SLC38A10: variants seen among roughly 807,000 people sequenced by gnomAD.
SLC38A10 encodes Sodium-coupled neutral amino acid transporter 10.
A neutral mutation model predicts 81.0 loss-of-function variants in SLC38A10; 53 were observed. The observed-to-expected ratio is 0.65, with a 90% CI of 0.53 to 0.82. The LOEUF is 0.82. Ranked by LOEUF, SLC38A10 falls within the 40% of genes least tolerant of loss-of-function variation. The pLI, the probability that SLC38A10 is intolerant of heterozygous loss-of-function variation, is 0.00. For missense variants in SLC38A10, 1,471 were observed against 1,545.0 expected (o/e 0.95, Z 0.80); for synonymous variants, 665 against 655.3 (o/e 1.01, Z -0.23).
chr17:81,284,931 G>A, intron 2 of SLC38A10, 36 bp from the exon 3 acceptor site: 2 of 1,528,722 alleles, frequency 1.3e-6, no homozygotes, highest in Non-Finnish European at 1.8e-6. Flanking sequence ...CAATCCAACA[G>A]CGTGAGAAGC....
chr17:81,270,529 C>T lies in SLC38A10; in HGVS notation c.1131+389G>A, dbSNP rs1240402626. 3.3e-5 allele frequency among the ~76,000 whole-genome samples: 5 copies of T among 152,134 alleles called. No individual in the cohort carries two copies. The highest frequency in any genetic ancestry group is 7.3e-5 in the Non-Finnish European group (5 of 68,032). ...GAAAAACCCACAAGCACGCACATCT[C>T]CGTGGGAGGGTCGCACCAGGAACAA... On this transcript the variant is annotated intron_variant, in intron 10 of 15. Coordinates refer to ENST00000374759, the MANE Select transcript of SLC38A10 (RefSeq NM_001037984.3). The surrounding 1 kb of genome is among the most constrained non-coding windows in gnomAD (Gnocchi z 4.0).
In SLC38A10 at chr17:81,252,214, G is replaced by C. The variant is rs137924826; in HGVS notation, c.1926C>G (p.Pro642=). ...PGNAAGDTGQ[P]AEDSDHGGKP... ...ACCCACCGTGGTCGCTGTCCTCTGC[G>C]GGCTGCCCTGTGTCCCCGGCGGCGT... The change falls in exon 13 of 16, where the codon CCC becomes CCG. Residue 642 remains proline, a synonymous_variant. Coordinates refer to ENST00000374759, the MANE Select transcript of SLC38A10 (RefSeq NM_001037984.3). 8 of 1,524,094 alleles carry C rather than the reference G, an allele frequency of 5.2e-6. No homozygotes were observed. Among genetic ancestry groups the C allele is most frequent in the Non-Finnish European group, 7.0e-6 (8 of 1,140,006 alleles). The allele number at this position is 1,524,094 out of a possible 1,614,324, so 94.4% of individuals were successfully genotyped here. A position where few individuals can be genotyped will look rare whatever the true frequency, so the allele number is the denominator to read the frequency against.
intron 11 of SLC38A10, among the ~76,000 whole-genome samples, chr17:81,259,266 C>G (rs1484569223): frequency 6.6e-6 from 1 of 152,226 alleles, no homozygotes; most frequent in East Asian, 1.9e-4. Context: ...GACCCCCAGC[C>G]AGAGCCGGCA....
chr17:81,248,109 C>T (rs1348420265), intron 14 of SLC38A10, among the ~76,000 whole-genome samples: 1 of 151,964 alleles, frequency 6.6e-6, no homozygotes, highest in East Asian at 2.0e-4. Context: ...AGACGCCCGC[C>T]ACCGCGCCCG....
chr17:81,266,671 T>C (rs375868306), intron 10 of SLC38A10, among the ~76,000 whole-genome samples: 7 of 146,474 alleles, frequency 4.8e-5, no homozygotes, highest in African/African-American at 1.8e-4. Flanking sequence ...GGAAAAGAGA[T>C]CCCAGGATAG....
At chr17:81,272,941 G>A (rs1301453670) in intron 8 of SLC38A10, among the ~76,000 whole-genome samples, 1 of 152,168 alleles carries the variant, frequency 6.6e-6, no homozygotes, top group African/African-American at 2.4e-5. Context: ...GCAATACCAC[G>A]AGAGTTTTTT....
chr17:81,277,219 C>A lies in SLC38A10; in HGVS notation c.627-86G>T. The A allele has an allele frequency of 8.6e-7, 1 of 1,162,740 alleles. No homozygotes were observed. The highest frequency in any genetic ancestry group is 2.4e-5 in the East Asian group (1 of 41,296). The allele number at this position is 1,162,740 out of a possible 1,614,324, so 72.0% of individuals were successfully genotyped here. ...CCACTTCTAGGACCTCTCTGCAGCC[C>A]AGTGAGAGTCTCTGACCTTCCTTCA... On this transcript the variant is annotated intron_variant, in intron 6 of 15. Transcript: ENST00000374759. This position sits in a 1 kb window ranked among gnomAD's most constrained non-coding sequence, Gnocchi z 4.5.
chr17:81,283,781 T>C lies in SLC38A10; in HGVS notation c.264-279A>G, dbSNP rs906302332. Among the ~76,000 whole-genome samples, 4 of 151,570 alleles carry C rather than the reference T, an allele frequency of 2.6e-5. No homozygotes were observed. The highest frequency in any genetic ancestry group is 2.0e-4 in the East Asian group (1 of 5,072). ...CGAGTAGCCACGCCCGGCTAATTGT[T>C]TGTATTTTTAGTAGAGACGGGGTTG... On this transcript the variant is annotated intron_variant, in intron 3 of 15. Coordinates refer to ENST00000374759, the MANE Select transcript of SLC38A10 (RefSeq NM_001037984.3). The surrounding 1 kb of genome is among the most constrained non-coding windows in gnomAD (Gnocchi z 4.7).
rs1379604657 is a variant in SLC38A10, at chr17:81,251,573, C to A, written c.1985G>T (p.Gly662Val). ...PPLPAEKPAP[G>V]PGLPPEPREQ... The stretch of plus-strand genomic sequence containing the variant: ...GCGAGGCTCGGGCGGCAGCCCAGGC[C>A]CTGGAGCCGGCTTCTCCGCTGGGAG... The change falls in exon 14 of 16, where the codon GGG (glycine) becomes GTG (valine). Residue 662 changes from glycine to valine, a missense_variant. Around this residue, in one of 2 missense-constraint regions of SLC38A10, gnomAD observed 751 missense variants for 717.4 expected, o/e 1.05. Transcript: ENST00000374759. The A allele has an allele frequency of 6.7e-7, 1 of 1,497,680 alleles. No homozygotes were observed. The highest frequency in any genetic ancestry group is 2.3e-5 in the East Asian group (1 of 43,406). 92.8% of individuals were successfully genotyped at this position (1,497,680 alleles called of 1,614,324 possible).
intron 9 of SLC38A10, among the ~76,000 whole-genome samples, chr17:81,272,186 T>G (rs1056849663): frequency 6.6e-6 from 1 of 151,920 alleles, no homozygotes; most frequent in African/African-American, 2.4e-5. Flanking sequence ...GCATGCACCA[T>G]GACGCCCTGC....
intron 11 of SLC38A10, among the ~76,000 whole-genome samples, chr17:81,254,726 G>A (rs373332884): frequency 1.3e-5 from 2 of 152,206 alleles, no homozygotes; most frequent in East Asian, 1.9e-4. Context: ...GATTACATGC[G>A]TGAGCCACCG....
In SLC38A10 at chr17:81,283,905, T is replaced by C. The variant is rs2063239556; in HGVS notation, c.264-403A>G. Among the ~76,000 whole-genome samples, 1 of 150,440 alleles carries C rather than the reference T, an allele frequency of 6.6e-6. No individual in the cohort carries two copies. The highest frequency in any genetic ancestry group is 2.4e-5 in the African/African-American group (1 of 41,042). On this transcript the variant is annotated intron_variant, in intron 3 of 15. Transcript: ENST00000374759. The surrounding 1 kb of genome is among the most constrained non-coding windows in gnomAD (Gnocchi z 4.7). The stretch of plus-strand genomic sequence containing the variant: ...GATTACAGGCGTGAGCCACTGTGCC[T>C]GGCCAACAGATGTGATTTCAAACGC...
At chr17:81,249,886 A>C (rs1398083586) in intron 14 of SLC38A10, among the ~76,000 whole-genome samples, 2 of 152,132 alleles carry the variant, frequency 1.3e-5, no homozygotes, top group Non-Finnish European at 2.9e-5. Context: ...AAGGGAGCAG[A>C]GTGGGCATCG....
rs1167065295 is a variant in SLC38A10 at position 81,286,826 on chromosome 17, C to CA, written c.218-1932dup. ...ACACCGCTGCTCACAACCGAGAACT[C>CA]AGAGGCCGCGTGGGGGCCAAACAGT... is the stretch of plus-strand genomic sequence containing the variant. On this transcript the variant is annotated intron_variant, in intron 2 of 15. Transcript: ENST00000374759. This position sits in a 1 kb window ranked among gnomAD's most constrained non-coding sequence, Gnocchi z 6.0. Among the ~76,000 whole-genome samples the CA allele has an allele frequency of 2.6e-5, 4 of 152,214 alleles. No individual in the cohort carries two copies. The highest frequency in any genetic ancestry group is 4.4e-5 in the Non-Finnish European group (3 of 68,048).
chr17:81,261,156 G>A (rs148613091), intron 10 of SLC38A10, among the ~76,000 whole-genome samples: 2 of 152,218 alleles, frequency 1.3e-5, no homozygotes, highest in African/African-American at 4.8e-5. Flanking sequence ...CCGGCCAATC[G>A]TAAGCATCAC....
In SLC38A10 at chr17:81,252,247, CG is replaced by C; in HGVS notation, c.1892del (p.Pro631ArgfsTer74). ...GGGEKAKGGP[P>X]PGNAAGDTGQ... Reference sequence around the variant, plus strand: ...CTGTGTCCCCGGCGGCGTTGCCTGGCGGCGGTCCCCCCTTGGCCTTTTCCCC... The same window carrying C: ...CTGTGTCCCCGGCGGCGTTGCCTGGCGCGGTCCCCCCTTGGCCTTTTCCCC... On this transcript the variant is annotated frameshift_variant, in exon 13 of 16. Coordinates refer to ENST00000374759, the MANE Select transcript of SLC38A10 (RefSeq NM_001037984.3). LOFTEE classifies it high-confidence loss of function. 1 of 1,551,854 alleles carries C rather than the reference CG, an allele frequency of 6.4e-7. No homozygotes were observed. The highest frequency in any genetic ancestry group is 8.7e-7 in the Non-Finnish European group (1 of 1,150,574).
At chr17:81,252,105 A>G in intron 13 of SLC38A10, 90 bp downstream of exon 13, 1 of 1,462,750 alleles carries the variant, frequency 6.8e-7, no homozygotes, top group South Asian at 1.4e-5. Flanking sequence ...CTGGGGACTG[A>G]GGGAGGAACC....
chr17:81,291,763 A>C (rs1296222760), intron 1 of SLC38A10, among the ~76,000 whole-genome samples: 1 of 152,166 alleles, frequency 6.6e-6, no homozygotes, highest in African/African-American at 2.4e-5. Context: ...AATAGGAGAC[A>C]CCGTAAATGC....
Position 81,265,579 on chromosome 17 carries a change from A to G in SLC38A10, c.1132-5185T>C, listed in dbSNP as rs1017499217. Among the ~76,000 whole-genome samples, 1 of 152,100 alleles carries G rather than the reference A, an allele frequency of 6.6e-6. No individual in the cohort carries two copies. The highest frequency in any genetic ancestry group is 1.5e-5 in the Non-Finnish European group (1 of 68,008). Reference sequence around the variant, plus strand: ...CCCACTTCCCTGTCCACCCCAGCATATCACCAGTTGTGGCTCTTCCTGAGG... The same window carrying G: ...CCCACTTCCCTGTCCACCCCAGCATGTCACCAGTTGTGGCTCTTCCTGAGG... On this transcript the variant is annotated intron_variant, in intron 10 of 15. Coordinates refer to ENST00000374759, the MANE Select transcript of SLC38A10 (RefSeq NM_001037984.3). This position sits in a 1 kb window ranked among gnomAD's most constrained non-coding sequence, Gnocchi z 4.2.
Sources: gnomAD v4.1 joint callset for allele counts (sites outside exome capture counted in the v4.1 genomes callset) on GRCh38, gnomAD v4.1.1 for gene constraint, gnomAD v4.1.1 regional missense constraint, Gnocchi (gnomAD v3.1) non-coding constraint, MANE v1.5 for transcripts, NCBI Gene and HGNC (gene_info 2026-07-23, HGNC 2026-07-21) for gene names.